The following PRKCB variants were observed in gnomAD, a reference collection of about 807,000 sequenced individuals.
The protein encoded by PRKCB is protein kinase C beta.
In PRKCB, 13 loss-of-function variants were observed where a neutral mutation model predicts 81.5. The ratio of observed to expected loss-of-function variants is 0.16; its 90% CI spans 0.10 to 0.25. The LOEUF (loss-of-function observed/expected upper bound fraction) is 0.25, where lower values mean the gene tolerates loss of function less well. Ranked by LOEUF, PRKCB falls within the 10% of genes least tolerant of loss-of-function variation. PRKCB has a pLI of 1.00. For missense variants in PRKCB, 509 were observed against 875.7 expected, an observed-to-expected ratio of 0.58 and a Z score of 5.29; for synonymous variants, 335 against 321.4, an observed-to-expected ratio of 1.04 and a Z score of -0.45.
chr16:23,971,494 C>T (rs1329751417), intron 2 of PRKCB, among the ~76,000 whole-genome samples: 3 of 152,148 alleles, frequency 2.0e-5, no homozygotes, highest in African/African-American at 7.2e-5. Flanking sequence ...GACTGTATCT[C>T]CTGGACTCCC....
At chr16:24,050,476 C>A (rs1487209568) in intron 5 of PRKCB, among the ~76,000 whole-genome samples, 4 of 151,882 alleles carry the variant, frequency 2.6e-5, no homozygotes, top group Non-Finnish European at 4.4e-5. Context: ...AACACACACA[C>A]ACACACACAC....
intron 16 of PRKCB, among the ~76,000 whole-genome samples, chr16:24,197,804 G>A (rs978072481): frequency 6.6e-6 from 1 of 152,142 alleles, no homozygotes; most frequent in African/African-American, 2.4e-5. Flanking sequence ...GTCTCATGGA[G>A]ACATGAAGGC....
intron 5 of PRKCB, among the ~76,000 whole-genome samples, chr16:24,063,517 A>G (rs1965998117): frequency 6.6e-6 from 1 of 150,764 alleles, no homozygotes; most frequent in Non-Finnish European, 1.5e-5. Context: ...CTGGCCTCGA[A>G]CTCCTGACCT....
rs182837918 is a variant in PRKCB at position 24,047,105 on chromosome 16, G to A, written c.529+11558G>A. On this transcript the variant is annotated intron_variant, in intron 5 of 16. Transcript: ENST00000643927. ...TGTAATCCCAGCACTTGGGGAGTCT[G>A]AGGTGGGTGGATCACAAGGTCAGGC... Among the ~76,000 whole-genome samples, 24 of 152,190 alleles carry A rather than the reference G, an allele frequency of 1.6e-4. No individual in the cohort carries two copies. The East Asian group carries it at 3.5e-3, about 22-fold the overall frequency.
At chr16:23,902,737 CCTTCCTT>C (rs1963496355) in intron 2 of PRKCB, among the ~76,000 whole-genome samples, 4 of 19,120 alleles carry the variant, frequency 2.1e-4, no homozygotes, top group African/African-American at 7.8e-4. Flanking sequence ...TTCCTCCCTT[CCTTCCTT>C]CCTTCCTTCC....
chr16:24,106,534 A>G (rs987970816), intron 7 of PRKCB, among the ~76,000 whole-genome samples: 10 of 152,204 alleles, frequency 6.6e-5, no homozygotes, highest in African/African-American at 2.4e-4. Context: ...AATAAACATA[A>G]TTGTGGCAAA....
chr16:24,144,306 C>A (rs186421705), intron 9 of PRKCB, among the ~76,000 whole-genome samples: 1 of 151,832 alleles, frequency 6.6e-6, no homozygotes. Context: ...TTCTTTTTTT[C>A]TTTTTGAGAC....
chr16:24,190,733 G>T (rs1967778935), intron 15 of PRKCB, among the ~76,000 whole-genome samples: 1 of 152,024 alleles, frequency 6.6e-6, no homozygotes, highest in Admixed American at 6.5e-5. Context: ...TGGCCAGGAT[G>T]GTCTCAATCT....
chr16:23,982,112 CTTT>C (rs1964736698), intron 2 of PRKCB, among the ~76,000 whole-genome samples: 1 of 58,174 alleles, frequency 1.7e-5, no homozygotes, highest in Non-Finnish European at 3.4e-5. Context: ...CTTCCCTTCC[CTTT>C]CCCTTCCCCT....
intron 16 of PRKCB, among the ~76,000 whole-genome samples, chr16:24,198,332 T>A (rs1035537314): frequency 6.6e-6 from 1 of 152,172 alleles, no homozygotes; most frequent in Non-Finnish European, 1.5e-5. Flanking sequence ...GCTCCCATAG[T>A]GTCCATAACA....
At position 23,881,372 on chromosome 16, in the gene PRKCB, C is replaced by G. The variant is rs375888481; in HGVS notation, c.205+43966C>G. Among the ~76,000 whole-genome samples the G allele has an allele frequency of 9.2e-5, 14 of 152,038 alleles. No individual in the cohort carries two copies. The East Asian group carries it at 1.4e-3, about 15-fold the overall frequency. ...GGTTCAAGCAATTCTCCCGCCTCAG[C>G]CTCCCAAGTAGTTGGGATTACAGGC... On this transcript the variant is annotated intron_variant, in intron 2 of 16. Transcript: ENST00000643927.
intron 7 of PRKCB, among the ~76,000 whole-genome samples, chr16:24,112,190 A>G (rs1172546507): frequency 6.6e-6 from 1 of 152,230 alleles, no homozygotes; most frequent in African/African-American, 2.4e-5. Context: ...AGGATGGCAA[A>G]GTGGCACCCT....
chr16:24,095,435 G>A (rs571125147), intron 7 of PRKCB, among the ~76,000 whole-genome samples: 3 of 152,280 alleles, frequency 2.0e-5, no homozygotes, highest in Non-Finnish European at 4.4e-5. Flanking sequence ...CACAGGACTA[G>A]TTGGCAGGTC....
intron 13 of PRKCB, among the ~76,000 whole-genome samples, chr16:24,184,759 A>G (rs1268828347): frequency 6.6e-6 from 1 of 152,260 alleles, no homozygotes; most frequent in Admixed American, 6.5e-5. Flanking sequence ...TATTTTAACC[A>G]GTTCTAAGTA....
At chr16:23,871,718 C>T (rs554396988) in intron 2 of PRKCB, among the ~76,000 whole-genome samples, 6 of 152,194 alleles carry the variant, frequency 3.9e-5, no homozygotes, top group Admixed American at 3.9e-4. Flanking sequence ...GTTGTGATTA[C>T]AGGCATGTGC....
At chr16:24,150,068 C>T (rs866398212) in intron 9 of PRKCB, among the ~76,000 whole-genome samples, 24 of 152,098 alleles carry the variant, frequency 1.6e-4, no homozygotes, top group African/African-American at 3.4e-4. Context: ...TGGTGGCTTA[C>T]GCCTGTAATC....
chr16:24,213,032 ATTTATTTAT>A (rs1458456819), intron 16 of PRKCB, among the ~76,000 whole-genome samples: 1 of 149,798 alleles, frequency 6.7e-6, no homozygotes, highest in African/African-American at 2.5e-5. Flanking sequence ...TTATTTATTT[ATTTATTTAT>A]TTATTTATTT....
At chr16:24,045,041 G>A (rs1965747385) in intron 5 of PRKCB, among the ~76,000 whole-genome samples, 1 of 152,120 alleles carries the variant, frequency 6.6e-6, no homozygotes, top group South Asian at 2.1e-4. Context: ...CGGTGAGGGG[G>A]ATTGTGTTGT....
intron 5 of PRKCB, among the ~76,000 whole-genome samples, chr16:24,073,676 C>G (rs1441356780): frequency 1.3e-5 from 2 of 152,164 alleles, no homozygotes; most frequent in Non-Finnish European, 2.9e-5. Flanking sequence ...TATTCATCCC[C>G]TAGCCCCTAA....
Sources: allele counts gnomAD v4.1 joint callset (sites outside exome capture counted in the v4.1 genomes callset), GRCh38; gene constraint gnomAD v4.1.1; transcripts MANE v1.5; gene names NCBI Gene and HGNC (gene_info 2026-07-23, HGNC 2026-07-21).